Variants in CLMN observed in about 807,000 individuals in gnomAD.
CLMN encodes the protein calmin.
CLMN carries 57 observed loss-of-function variants against 92.7 expected under a neutral mutation model. That is an observed-to-expected ratio of 0.61 (90% CI 0.50 to 0.77). The LOEUF is 0.77. Among genes scored for constraint, CLMN ranks in the 30% least tolerant of loss-of-function variants. The pLI is 0.00. For missense variants in CLMN, 1,158 were observed against 1,237.5 expected (o/e 0.94, Z 0.96); for synonymous variants, 466 against 470.6 (o/e 0.99, Z 0.13).
chr14:95,226,646 G>A (rs958859708), intron 2 of CLMN, among the ~76,000 whole-genome samples: 38 of 151,800 alleles, frequency 2.5e-4, no homozygotes, highest in Admixed American at 2.2e-3. Flanking sequence ...GCATGACCAC[G>A]GTTCACTGCA....
At chr14:95,206,541 T>C (rs1187612) in intron 8 of CLMN, among the ~76,000 whole-genome samples, 44,134 of 152,134 alleles carry the variant, frequency 0.29, 8,075 homozygotes, top group African/African-American at 0.51. Context: ...GTGTGGTACA[T>C]GGTCAGGGCC....
intron 1 of CLMN, among the ~76,000 whole-genome samples, chr14:95,308,392 A>T (rs936621477): frequency 6.6e-6 from 1 of 152,124 alleles, no homozygotes; most frequent in Admixed American, 6.5e-5. Flanking sequence ...CTGGTCCTTG[A>T]TCTAGTGCTG....
Position 95,306,830 on chromosome 14 carries a change from G to A in CLMN, c.82+12881C>T, listed in dbSNP as rs549123768. On this transcript the variant is annotated intron_variant, in intron 1 of 12. Coordinates refer to ENST00000298912, the MANE Select transcript of CLMN (RefSeq NM_024734.4). ...TGAAAACATATGGGGAAGTTGAGAGGAGGCAGATTTGAGGTTAAAGGAGGT... is the reference window on the plus strand; with the variant it reads ...TGAAAACATATGGGGAAGTTGAGAGAAGGCAGATTTGAGGTTAAAGGAGGT... 3.9e-5 allele frequency among the ~76,000 whole-genome samples: 6 copies of A among 152,266 alleles called. No individual in the cohort carries two copies. The South Asian group carries it at 1.2e-3, about 32-fold the overall frequency.
intron 1 of CLMN, among the ~76,000 whole-genome samples, chr14:95,241,754 G>A (rs1189794117): frequency 6.6e-6 from 1 of 152,180 alleles, no homozygotes; most frequent in African/African-American, 2.4e-5. Context: ...TGATCCTTCT[G>A]AAATGCATTC....
In CLMN at chr14:95,190,317, C is replaced by T. The variant is rs1178608315; in HGVS notation, c.*1247G>A. ...TGCCTGTGTGCTCACTGCAAGTCTG[C>T]CCCTGGTCGGCTATATGATCTTGGT... On this transcript the variant is annotated 3_prime_UTR_variant, in exon 13 of 13. Transcript: ENST00000298912. 1.3e-5 allele frequency: 2 copies of T among 152,266 alleles called. No homozygotes were observed. The highest frequency in any genetic ancestry group is 2.9e-5 in the Non-Finnish European group (2 of 68,104). 9.4% of individuals were successfully genotyped at this position (152,266 alleles called of 1,614,324 possible).
At chr14:95,198,042 C>CTTTTTTTTTTT (rs1019598103) in intron 9 of CLMN, among the ~76,000 whole-genome samples, 60 of 69,948 alleles carry the variant, frequency 8.6e-4, no homozygotes, top group East Asian at 2.1e-3. Context: ...TTTTTTCTTT[C>CTTTTTTTTTTT]TTTTTTTTTT....
chr14:95,269,297 CTG>C (rs1261180958), intron 1 of CLMN, among the ~76,000 whole-genome samples: 6 of 152,244 alleles, frequency 3.9e-5, no homozygotes, highest in East Asian at 1.9e-4. Context: ...ATGATTTCTA[CTG>C]TGTTATATAT....
intron 8 of CLMN, among the ~76,000 whole-genome samples, chr14:95,205,971 G>A (rs1257225034): frequency 5.3e-5 from 8 of 152,100 alleles, no homozygotes; most frequent in African/African-American, 1.2e-4. Context: ...CCGTATAAAC[G>A]TATGAAAAAT....
At position 95,246,846 on chromosome 14, in the gene CLMN, T is replaced by G. The variant is rs1898591516; in HGVS notation, c.83-16713A>C. Among the ~76,000 whole-genome samples, 4 of 152,186 alleles carry G rather than the reference T, an allele frequency of 2.6e-5. No homozygotes were observed. The South Asian group carries it at 8.3e-4, about 31-fold the overall frequency. On this transcript the variant is annotated intron_variant, in intron 1 of 12. Transcript: ENST00000298912. ...CTGAATTATAATAAAACCCACATTT[T>G]AAAATATCCCTGCCCCCAAATTCTT... is the stretch of plus-strand genomic sequence containing the variant.
intron 1 of CLMN, among the ~76,000 whole-genome samples, chr14:95,244,639 T>C (rs1053804857): frequency 2.0e-4 from 31 of 152,366 alleles, no homozygotes; most frequent in African/African-American, 6.7e-4. Flanking sequence ...GTTACTTTTG[T>C]TGAAAGACTA....
At chr14:95,285,398 C>T (rs1005401130) in intron 1 of CLMN, among the ~76,000 whole-genome samples, 1 of 152,146 alleles carries the variant, frequency 6.6e-6, no homozygotes, top group African/African-American at 2.4e-5. Flanking sequence ...TCTTTTAAGT[C>T]ATCAAATTCT....
intron 1 of CLMN, among the ~76,000 whole-genome samples, chr14:95,290,383 G>C (rs117656961): frequency 1.3e-5 from 2 of 152,364 alleles, no homozygotes; most frequent in East Asian, 3.9e-4. Context: ...AGATGGAGAA[G>C]TTTTCCCGTA....
chr14:95,282,660 G>C (rs1466705884), intron 1 of CLMN, among the ~76,000 whole-genome samples: 2 of 152,218 alleles, frequency 1.3e-5, no homozygotes, highest in African/African-American at 4.8e-5. Context: ...AGGACAAAGA[G>C]TCAAGGACAG....
chr14:95,302,433 T>C (rs1306374206), intron 1 of CLMN, among the ~76,000 whole-genome samples: 1 of 152,174 alleles, frequency 6.6e-6, no homozygotes, highest in Non-Finnish European at 1.5e-5. Context: ...ACACAAAATG[T>C]TACATTTTCC....
chr14:95,219,662 A>G (rs911424727), intron 4 of CLMN, among the ~76,000 whole-genome samples: 6 of 152,230 alleles, frequency 3.9e-5, no homozygotes, highest in South Asian at 2.1e-4. Flanking sequence ...TGGGGAAGCC[A>G]GAACTGGAAA....
In CLMN at chr14:95,230,447, A is replaced by C. The variant is rs1897848207; in HGVS notation, c.83-314T>G. Among the ~76,000 whole-genome samples the C allele has an allele frequency of 2.0e-5, 3 of 152,232 alleles. No homozygotes were observed. In the South Asian group the frequency reaches 6.2e-4, roughly 32 times the overall value. On this transcript the variant is annotated intron_variant, in intron 1 of 12. Transcript: ENST00000298912. ...TAAGAAGCACTGGAGACAAAACTAC[A>C]AATCAACCCCACAAGAGGCTGTAAT...
chr14:95,254,191 G>T (rs1898903876), intron 1 of CLMN, among the ~76,000 whole-genome samples: 1 of 152,172 alleles, frequency 6.6e-6, no homozygotes, highest in Non-Finnish European at 1.5e-5. Flanking sequence ...CAGTTGTGAG[G>T]ATGATGTGCT....
intron 1 of CLMN, among the ~76,000 whole-genome samples, chr14:95,268,533 G>A (rs896387443): frequency 1.1e-4 from 17 of 152,238 alleles, no homozygotes; most frequent in Non-Finnish European, 2.1e-4. Flanking sequence ...CTATAAAAGG[G>A]AACCACAACT....
At chr14:95,229,452 C>T (rs1897813524) in intron 2 of CLMN, among the ~76,000 whole-genome samples, 1 of 152,134 alleles carries the variant, frequency 6.6e-6, no homozygotes, top group Non-Finnish European at 1.5e-5. Context: ...AGAAGGGCCA[C>T]TAAGTTGAAT....
Sources: allele counts gnomAD v4.1 joint callset (sites outside exome capture counted in the v4.1 genomes callset), GRCh38; gene constraint gnomAD v4.1.1; transcripts MANE v1.5; gene names NCBI Gene and HGNC (gene_info 2026-07-23, HGNC 2026-07-21).